GYPB: variants seen among roughly 807,000 people sequenced by gnomAD.
The protein encoded by GYPB is glycophorin B (MNS blood group).
In GYPB, 13 loss-of-function variants were observed where a neutral mutation model predicts 15.3. That is an observed-to-expected ratio of 0.85 (90% CI 0.55 to 1.35). The LOEUF (loss-of-function observed/expected upper bound fraction) is 1.35, where lower values mean the gene tolerates loss of function less well. Ranked by LOEUF, GYPB falls within the 40% of genes most tolerant of loss-of-function variation. GYPB has a pLI of 0.00. For missense variants in GYPB, 131 were observed against 108.3 expected, an observed-to-expected ratio of 1.21 and a Z score of -0.93; for synonymous variants, 38 against 36.9, an observed-to-expected ratio of 1.03 and a Z score of -0.11.
At chr4:144,003,456 C>T (rs1727728563) in intron 1 of GYPB, among the ~76,000 whole-genome samples, 1 of 151,198 alleles carries the variant, frequency 6.6e-6, no homozygotes. Context: ...TAGCCTGAGG[C>T]TTTAAAGGGG....
At chr4:144,000,446 G>A (rs1426122746) in intron 2 of GYPB, 12 of 1,183,138 alleles carry the variant, frequency 1.0e-5, no homozygotes, top group Non-Finnish European at 1.2e-5. Context: ...TTAGCAGTAT[G>A]AGCTGGACAT....
intron 3 of GYPB, among the ~76,000 whole-genome samples, chr4:143,998,204 C>T (rs1303137415): frequency 6.6e-6 from 1 of 151,308 alleles, no homozygotes; most frequent in African/African-American, 2.5e-5. Flanking sequence ...ATTCCTTCCA[C>T]AGTATTCTTA....
chr4:144,007,654 A>G (rs1471485468), intron 1 of GYPB, among the ~76,000 whole-genome samples: 1 of 151,566 alleles, frequency 6.6e-6, no homozygotes, highest in Non-Finnish European at 1.5e-5. Context: ...CCACTGTCCC[A>G]GTGGGAAAGG....
chr4:143,996,224 G>A lies in GYPB; in HGVS notation c.*75C>T. On this transcript the variant is annotated 3_prime_UTR_variant, in exon 5 of 5. Coordinates refer to ENST00000502664, the MANE Select transcript of GYPB (RefSeq NM_002100.6). ...CATAAGCAAAGGAATAGCAGGTGCA[G>A]CCAGTTTGCATAAACAAGAGAACAG... 1.3e-6 allele frequency: 2 copies of A among 1,549,740 alleles called. No individual in the cohort carries two copies. Among genetic ancestry groups the A allele is most frequent in the Non-Finnish European group, 8.7e-7 (1 of 1,146,516 alleles).
At chr4:143,999,602 T>G (rs537653871) in intron 2 of GYPB, among the ~76,000 whole-genome samples, 153 bp from the exon 3 acceptor site, 1 of 151,634 alleles carries the variant, frequency 6.6e-6, no homozygotes, top group South Asian at 2.1e-4. Context: ...GTAACATTTA[T>G]GAGGTAATGT....
chr4:143,997,132 G>C (rs4302421), intron 4 of GYPB, among the ~76,000 whole-genome samples: 146,647 of 151,042 alleles, frequency 0.97, 71,586 homozygotes, highest in East Asian at 1. Context: ...GTCTCAAACT[G>C]CTGAGCTCAA....
chr4:144,007,998 A>C (rs1560711061), intron 1 of GYPB, among the ~76,000 whole-genome samples: 1 of 151,444 alleles, frequency 6.6e-6, no homozygotes, highest in Non-Finnish European at 1.5e-5. Context: ...TGTATGTCTA[A>C]GATAATAATA....
intron 2 of GYPB, 127 bp downstream of exon 2, chr4:144,001,058 C>T (rs1170613430): frequency 6.7e-6 from 10 of 1,487,762 alleles, no homozygotes; most frequent in South Asian, 1.2e-5. Context: ...ACTTAGTAGG[C>T]TGTGTCTACT....
intron 1 of GYPB, among the ~76,000 whole-genome samples, chr4:144,005,075 C>A (rs1336370581): frequency 6.6e-6 from 1 of 151,972 alleles, no homozygotes; most frequent in Non-Finnish European, 1.5e-5. Context: ...TTTCAAAAAT[C>A]TACTTGTGTC....
In GYPB at chr4:144,010,336, G is replaced by T. The variant is rs529205863; in HGVS notation, c.37+8915C>A. On this transcript the variant is annotated intron_variant, in intron 1 of 4. Coordinates refer to ENST00000502664, the MANE Select transcript of GYPB (RefSeq NM_002100.6). ...ACAAAAAAATTAGTCAGGTGTGGTTGAGCACACCTGAAGTCTCAGCTACTT... is the reference window on the plus strand; with the variant it reads ...ACAAAAAAATTAGTCAGGTGTGGTTTAGCACACCTGAAGTCTCAGCTACTT... Among the ~76,000 whole-genome samples the T allele has an allele frequency of 1.8e-3, 267 of 151,388 alleles. 12 individuals carry two copies. The highest frequency in any genetic ancestry group is 6.1e-3 in the African/African-American group (249 of 40,716).
chr4:143,996,402 C>T (rs983839529), intron 4 of GYPB, 98 bp from the exon 5 acceptor site: 40 of 1,543,728 alleles, frequency 2.6e-5, no homozygotes, highest in South Asian at 3.6e-5. Context: ...CAATCCTTCA[C>T]AGGCTGTAGC....
intron 1 of GYPB, among the ~76,000 whole-genome samples, chr4:144,009,924 T>A (rs1254913507): frequency 6.9e-6 from 1 of 145,250 alleles, no homozygotes; most frequent in East Asian, 2.0e-4. Flanking sequence ...ATTTTGATTT[T>A]TTTAAGCACT....
chr4:144,013,061 CTT>C (rs887090037), intron 1 of GYPB, among the ~76,000 whole-genome samples: 2 of 151,586 alleles, frequency 1.3e-5, no homozygotes, highest in Non-Finnish European at 2.9e-5. Context: ...TGATAAGACT[CTT>C]TATCCAGAAC....
chr4:143,996,181 G>T lies in GYPB; in HGVS notation c.*118C>A, dbSNP rs1727297977. The T allele has an allele frequency of 1.3e-6, 2 of 1,538,730 alleles. No homozygotes were observed. Among genetic ancestry groups the T allele is most frequent in the South Asian group, 1.2e-5 (1 of 83,206 alleles). ...GTGAGGCAGGAGAACAGGGAATTAG[G>T]ATAGCCAGGGGTAGGGGCATAAGCA... On this transcript the variant is annotated 3_prime_UTR_variant, in exon 5 of 5. Coordinates refer to ENST00000502664, the MANE Select transcript of GYPB (RefSeq NM_002100.6).
chr4:144,009,848 C>A (rs915833022), intron 1 of GYPB, among the ~76,000 whole-genome samples: 8 of 150,672 alleles, frequency 5.3e-5, no homozygotes, highest in African/African-American at 1.7e-4. Context: ...CTCCTGACCT[C>A]GTGATCCGCC....
In GYPB at chr4:143,997,581, T is replaced by G. The variant is rs1727390382; in HGVS notation, c.229A>C (p.Thr77Pro). The G allele has an allele frequency of 1.2e-6, 2 of 1,600,940 alleles. No individual in the cohort carries two copies. Among genetic ancestry groups the G allele is most frequent in the South Asian group, 2.2e-5 (2 of 90,802 alleles). ...ILCVMAGIIGTILLISYSIRR... is the reference protein window; with the variant it reads ...ILCVMAGIIGPILLISYSIRR... The stretch of plus-strand genomic sequence containing the variant: ...ATACTGTAAGAAATTAAGAGGATCG[T>G]TCCAATAATACCAGCCATCACACAC... Residue 77 changes from threonine to proline, a missense_variant, in exon 4 of 5, where the codon ACG becomes CCG. By Grantham distance (38) the Thr-to-Pro change is conservative. Transcript: ENST00000502664.
At chr4:144,017,870 A>G (rs1728587247) in intron 1 of GYPB, among the ~76,000 whole-genome samples, 1 of 151,330 alleles carries the variant, frequency 6.6e-6, no homozygotes, top group Non-Finnish European at 1.5e-5. Context: ...TTTTCTTCAA[A>G]CTAAATGTTT....
In GYPB at chr4:144,009,588, AT is replaced by A. The variant is rs1418008684; in HGVS notation, c.38-8306del. On this transcript the variant is annotated intron_variant, in intron 1 of 4. Coordinates refer to ENST00000502664, the MANE Select transcript of GYPB (RefSeq NM_002100.6). ...TATTCACATTATTATTATTATTTTGATTTTTTTTCTTTCTTTTTTTTTTTTT... is the reference window on the plus strand; with the variant it reads ...TATTCACATTATTATTATTATTTTGATTTTTTTCTTTCTTTTTTTTTTTTT... 2.9e-3 allele frequency among the ~76,000 whole-genome samples: 237 copies of A among 81,804 alleles called. 1 individual carries two copies. The highest frequency in any genetic ancestry group is 3.6e-3 in the Non-Finnish European group (135 of 37,982). The allele number at this position is 81,804 out of a possible 152,430, so 53.7% of individuals were successfully genotyped here. A position where few individuals can be genotyped will look rare whatever the true frequency, so the allele number is the denominator to read the frequency against.
At chr4:144,005,509 C>T (rs1317048817) in intron 1 of GYPB, among the ~76,000 whole-genome samples, 5 of 151,824 alleles carry the variant, frequency 3.3e-5, no homozygotes, top group Admixed American at 1.3e-4. Context: ...TATTGTATTA[C>T]TTAGATTATA....
Sources: gnomAD v4.1 joint callset for allele counts (sites outside exome capture counted in the v4.1 genomes callset) on GRCh38, gnomAD v4.1.1 for gene constraint, MANE v1.5 for transcripts, NCBI Gene and HGNC (gene_info 2026-07-23, HGNC 2026-07-21) for gene names.